HNRNPH3: variants seen among roughly 807,000 people sequenced by gnomAD.
HNRNPH3 encodes heterogeneous nuclear ribonucleoprotein H3.
HNRNPH3 carries 7 observed loss-of-function variants against 47.0 expected under a neutral mutation model. The observed-to-expected ratio is 0.15, with a 90% CI of 0.08 to 0.28. The LOEUF (loss-of-function observed/expected upper bound fraction) is 0.28. Ranked by LOEUF, HNRNPH3 falls within the 10% of genes least tolerant of loss-of-function variation. The probability of loss-of-function intolerance (pLI) is 1.00; values close to 1 mark genes in which losing one functional copy is unlikely to be tolerated. For synonymous variants in HNRNPH3, 120 were observed against 143.2 expected (o/e 0.84, Z 1.16); for missense variants, 279 against 449.6 (o/e 0.62, Z 3.43).
At chr10:68,338,444 A>G (rs1564751870) in intron 3 of HNRNPH3, 59 bp from the exon 4 acceptor site, 2 of 1,091,284 alleles carry the variant, frequency 1.8e-6, no homozygotes, top group Non-Finnish European at 2.6e-6. Context: ...TTTGCCCAGT[A>G]TCTAATTTAC....
intron 6 of HNRNPH3, among the ~76,000 whole-genome samples, chr10:68,340,067 C>T (rs556197732): frequency 7.7e-4 from 117 of 152,058 alleles, no homozygotes; most frequent in African/African-American, 2.7e-3. Context: ...CAGAGTCTTG[C>T]TCTGTCGCCC....
In HNRNPH3 at chr10:68,342,401, T is replaced by A. The variant is rs1334581312; in HGVS notation, c.*347T>A. The A allele has an allele frequency of 5.3e-6, 1 of 188,862 alleles. No homozygotes were observed. Among genetic ancestry groups the A allele is most frequent in the Non-Finnish European group, 1.1e-5 (1 of 90,796 alleles). The allele number at this position is 188,862 out of a possible 1,614,324, so 11.7% of individuals were successfully genotyped here. On this transcript the variant is annotated 3_prime_UTR_variant, in exon 10 of 10. Transcript: ENST00000265866. ...TGGTGTAATTTTAGAGGATAATGGTTCACCTCTGCGTAAACTGCAAGTCTT... is the reference window on the plus strand; with the variant it reads ...TGGTGTAATTTTAGAGGATAATGGTACACCTCTGCGTAAACTGCAAGTCTT...
At chr10:68,338,735 TC>T (rs779889414) in intron 4 of HNRNPH3, 48 bp downstream of exon 4, 22 of 1,409,042 alleles carry the variant, frequency 1.6e-5, no homozygotes, top group Non-Finnish European at 1.7e-5. Context: ...TTCTTAATGT[TC>T]CTGACACTTT....
intron 1 of HNRNPH3, among the ~76,000 whole-genome samples, chr10:68,335,357 T>C (rs1052842781): frequency 6.6e-6 from 1 of 151,938 alleles, no homozygotes; most frequent in Non-Finnish European, 1.5e-5. Flanking sequence ...TGAGGGTAGA[T>C]CTGTACCACT....
chr10:68,335,274 A>G (rs1347340304), intron 1 of HNRNPH3, among the ~76,000 whole-genome samples: 2 of 149,878 alleles, frequency 1.3e-5, no homozygotes, highest in South Asian at 2.1e-4. Flanking sequence ...TTAAATGCAA[A>G]TCGTACCACT....
In HNRNPH3 at chr10:68,334,907, CCTTA is replaced by C. The variant is rs2134658934; in HGVS notation, c.-23-2291_-23-2288del. ...TAGAGCAGATTGCTTCTTCCTGTGC[CCTTA>C]GAGTTTTTCTTGTTTTTGTTTTGTA... On this transcript the variant is annotated intron_variant, in intron 1 of 9. Transcript: ENST00000265866. Among the ~76,000 whole-genome samples the C allele has an allele frequency of 1.3e-5, 2 of 152,214 alleles. 1 individual carries two copies. The highest frequency in any genetic ancestry group is 4.1e-4 in the South Asian group (2 of 4,824).
In HNRNPH3 at chr10:68,342,091, A is replaced by G. The variant is rs371510648; in HGVS notation, c.*37A>G. The G allele has an allele frequency of 2.0e-6, 3 of 1,467,812 alleles. No homozygotes were observed. The African/African-American group carries it at 4.2e-5, about 21-fold the overall frequency. The allele number at this position is 1,467,812 out of a possible 1,614,324, so 90.9% of individuals were successfully genotyped here. On this transcript the variant is annotated 3_prime_UTR_variant, in exon 10 of 10. Coordinates refer to ENST00000265866, the MANE Select transcript of HNRNPH3 (RefSeq NM_012207.3). ...CCAACATACAAGTCTTGACAACAGCATCTGGTCTACTAGACTTTCTTACAG... is the reference window on the plus strand; with the variant it reads ...CCAACATACAAGTCTTGACAACAGCGTCTGGTCTACTAGACTTTCTTACAG...
chr10:68,335,232 TTTC>T (rs1343354568), intron 1 of HNRNPH3, among the ~76,000 whole-genome samples: 38 of 144,402 alleles, frequency 2.6e-4, no homozygotes, highest in African/African-American at 9.4e-4. Flanking sequence ...TTCTTTTTCT[TTTC>T]TTTTTTTTTT....
At position 68,337,647 on chromosome 10, in the gene HNRNPH3, TAC is replaced by T; in HGVS notation, c.113-207_113-206del. The T allele has an allele frequency of 1.9e-6, 1 of 530,636 alleles. No homozygotes were observed. Among genetic ancestry groups the T allele is most frequent in the Non-Finnish European group, 3.3e-6 (1 of 299,076 alleles). 32.9% of individuals were successfully genotyped at this position (530,636 alleles called of 1,614,324 possible). ...TAGGTGGGCTTTTAGAGTGTGTAATTACACAGTGTTTTTACACTGGTCGCAAA... is the reference window on the plus strand; with the variant it reads ...TAGGTGGGCTTTTAGAGTGTGTAATTACAGTGTTTTTACACTGGTCGCAAA... On this transcript the variant is annotated intron_variant, in intron 2 of 9. Coordinates refer to ENST00000265866, the MANE Select transcript of HNRNPH3 (RefSeq NM_012207.3). This position sits in a 1 kb window ranked among gnomAD's most constrained non-coding sequence, Gnocchi z 4.5.
At position 68,339,440 on chromosome 10, in the gene HNRNPH3, G is replaced by A. The variant is rs778588424; in HGVS notation, c.524G>A (p.Gly175Asp). Residue 175 changes from glycine to aspartate, a missense_variant and splice_region_variant, in exon 6 of 10, where the codon GGT becomes GAT. By Grantham distance (94) the Gly-to-Asp change is moderately conservative. Transcript: ENST00000265866. The stretch of plus-strand genomic sequence containing the variant: ...AATCTTGGCAAATTGTGTTTTCCAG[G>A]TATGGGAGGACATGGCTATGGTGGA... Reference protein sequence around the residue: ...GFDDRMRDGRGMGGHGYGGAG... With the variant: ...GFDDRMRDGRDMGGHGYGGAG... 4 of 1,612,326 alleles carry A rather than the reference G, an allele frequency of 2.5e-6. No homozygotes were observed. The Admixed American group carries it at 6.7e-5, about 27-fold the overall frequency.
rs751883363 is a variant in HNRNPH3, at chr10:68,341,994, C to T, written c.981C>T (p.Gly327=). The change falls in exon 10 of 10, where the codon GGC becomes GGT. Residue 327 remains glycine (G), a synonymous_variant. Transcript: ENST00000265866. ...TTTCTTAAGGCCGTGGTGGTGGAGGCAGTGGAGGTTACTATGGGCAAGGCG... is the reference window on the plus strand; with the variant it reads ...TTTCTTAAGGCCGTGGTGGTGGAGGTAGTGGAGGTTACTATGGGCAAGGCG... ...GLGGYGRGGG[G]SGGYYGQGGM... The T allele has an allele frequency of 1.7e-5, 27 of 1,613,796 alleles. 1 individual carries two copies. In the South Asian group the frequency reaches 3.0e-4, roughly 18 times the overall value.
Position 68,342,131 on chromosome 10 carries a change from G to C in HNRNPH3, c.*77G>C. On this transcript the variant is annotated 3_prime_UTR_variant, in exon 10 of 10. Transcript: ENST00000265866. ...CTTTCTTACAGATTTAATTTCTTTT[G>C]TATTTTAAGAACTTTATAATGACTG... 9.7e-7 allele frequency: 1 copy of C among 1,035,160 alleles called. No individual in the cohort carries two copies. The highest frequency in any genetic ancestry group is 1.4e-6 in the Non-Finnish European group (1 of 722,200). The allele number at this position is 1,035,160 out of a possible 1,614,324, so 64.1% of individuals were successfully genotyped here.
intron 7 of HNRNPH3, 99 bp downstream of exon 7, chr10:68,341,408 T>C: frequency 7.7e-7 from 1 of 1,292,238 alleles, no homozygotes; most frequent in Non-Finnish European, 1.1e-6. Flanking sequence ...GTTGTTGGGA[T>C]TTAAAACCAT....
At position 68,342,982 on chromosome 10, in the gene HNRNPH3, T is replaced by C. The variant is rs1287107256; in HGVS notation, c.*928T>C. 1.3e-5 allele frequency: 2 copies of C among 152,222 alleles called. No homozygotes were observed. The highest frequency in any genetic ancestry group is 2.9e-5 in the Non-Finnish European group (2 of 68,038). 9.4% of individuals were successfully genotyped at this position (152,222 alleles called of 1,614,324 possible). Reference sequence around the variant, plus strand: ...TAAAAACAATCCTGCAGTTGGGTTTTGTATCTGATCCCTGCTTGGAGTTTT... The same window carrying C: ...TAAAAACAATCCTGCAGTTGGGTTTCGTATCTGATCCCTGCTTGGAGTTTT... On this transcript the variant is annotated 3_prime_UTR_variant, in exon 10 of 10. Coordinates refer to ENST00000265866, the MANE Select transcript of HNRNPH3 (RefSeq NM_012207.3).
chr10:68,339,590 A>T, intron 6 of HNRNPH3, 35 bp downstream of exon 6: 8 of 1,300,946 alleles, frequency 6.1e-6, no homozygotes, highest in Non-Finnish European at 8.9e-6. Flanking sequence ...GTGGTTTTAT[A>T]CTTATCCTGG....
In HNRNPH3 at chr10:68,342,293, A is replaced by G. The variant is rs919945879; in HGVS notation, c.*239A>G. The G allele has an allele frequency of 3.3e-5, 14 of 422,404 alleles. No individual in the cohort carries two copies. The highest frequency in any genetic ancestry group is 5.9e-5 in the Non-Finnish European group (14 of 236,790). 26.2% of individuals were successfully genotyped at this position (422,404 alleles called of 1,614,324 possible). A position where few individuals can be genotyped will look rare whatever the true frequency, so the allele number is the denominator to read the frequency against. On this transcript the variant is annotated 3_prime_UTR_variant, in exon 10 of 10. Transcript: ENST00000265866. The stretch of plus-strand genomic sequence containing the variant: ...CAAACCACTGATGTTGATACTTTTT[A>G]TATACTAGTTACTCCTAAAGATGTG...
At chr10:68,332,245 G>T (rs1432048086) in intron 1 of HNRNPH3, 29 bp downstream of exon 1, 1 of 152,334 alleles carries the variant, frequency 6.6e-6, no homozygotes. Context: ...GGTAGGTTGG[G>T]CTGGTGGTTT....
chr10:68,342,708 C>G lies in HNRNPH3; in HGVS notation c.*654C>G, dbSNP rs879216614. ...TCTAGCCCTAGATTTTGGAGTAAAA[C>G]CCCTTCAGCACTTGACCGAAATACC... On this transcript the variant is annotated 3_prime_UTR_variant, in exon 10 of 10. Coordinates refer to ENST00000265866, the MANE Select transcript of HNRNPH3 (RefSeq NM_012207.3). The G allele has an allele frequency of 6.6e-6, 1 of 152,488 alleles. No homozygotes were observed. The highest frequency in any genetic ancestry group is 1.5e-5 in the Non-Finnish European group (1 of 68,020). The allele number at this position is 152,488 out of a possible 1,614,324, so 9.4% of individuals were successfully genotyped here. A position where few individuals can be genotyped will look rare whatever the true frequency, so the allele number is the denominator to read the frequency against.
At chr10:68,335,945 C>A (rs1421397783) in intron 1 of HNRNPH3, among the ~76,000 whole-genome samples, 1 of 152,108 alleles carries the variant, frequency 6.6e-6, no homozygotes, top group Non-Finnish European at 1.5e-5. Flanking sequence ...TAGAGTGGCA[C>A]CTAGGGCTGA....
Sources: allele counts gnomAD v4.1 joint callset (sites outside exome capture counted in the v4.1 genomes callset), GRCh38; gene constraint gnomAD v4.1.1; non-coding constraint Gnocchi (gnomAD v3.1); transcripts MANE v1.5; gene names NCBI Gene and HGNC (gene_info 2026-07-23, HGNC 2026-07-21).